The following CLIC4 variants were observed in gnomAD, a reference collection of about 807,000 sequenced individuals.
The protein encoded by CLIC4 is CLIC family member 4.
CLIC4 carries 13 observed loss-of-function variants against 24.6 expected under a neutral mutation model. The observed-to-expected ratio is 0.53, with a 90% CI of 0.34 to 0.84. The LOEUF (loss-of-function observed/expected upper bound fraction) is 0.84. CLIC4 is among the 40% of genes least tolerant of loss of function. The pLI is 0.01. For synonymous variants in CLIC4, 104 were observed against 111.3 expected, an observed-to-expected ratio of 0.93 and a Z score of 0.41; for missense variants, 227 against 301.7, an observed-to-expected ratio of 0.75 and a Z score of 1.83.
chr1:24,751,680 A>C (rs1352917030), intron 1 of CLIC4, among the ~76,000 whole-genome samples: 1 of 152,080 alleles, frequency 6.6e-6, no homozygotes, highest in African/African-American at 2.4e-5. Context: ...CTTGGCCAAC[A>C]TGGCGAAACC....
At chr1:24,750,909 TAG>T (rs1453261272) in intron 1 of CLIC4, among the ~76,000 whole-genome samples, 1 of 152,022 alleles carries the variant, frequency 6.6e-6, no homozygotes, top group South Asian at 2.1e-4. Flanking sequence ...CCCTACTAGA[TAG>T]ACAGTAAATT....
chr1:24,779,089 TA>T (rs890561240), intron 1 of CLIC4, among the ~76,000 whole-genome samples: 7 of 152,078 alleles, frequency 4.6e-5, no homozygotes, highest in South Asian at 4.1e-4. Flanking sequence ...GTATAAACAT[TA>T]AAAAAATAAT....
chr1:24,810,793 T>C (rs1484787428), intron 2 of CLIC4, among the ~76,000 whole-genome samples: 2 of 151,472 alleles, frequency 1.3e-5, no homozygotes, highest in Non-Finnish European at 2.9e-5. Flanking sequence ...ATTTTAAAAA[T>C]GTTTATTTAT....
intron 1 of CLIC4, among the ~76,000 whole-genome samples, chr1:24,766,671 T>C (rs1359635860): frequency 6.6e-6 from 1 of 151,210 alleles, no homozygotes; most frequent in Non-Finnish European, 1.5e-5. Context: ...AACTGGCTAA[T>C]TTTTTTGTAT....
intron 3 of CLIC4, among the ~76,000 whole-genome samples, chr1:24,818,422 G>T (rs1391970125): frequency 1.3e-5 from 2 of 152,066 alleles, no homozygotes; most frequent in Admixed American, 6.5e-5. Flanking sequence ...AAGTAGCTGG[G>T]ATTACAGGCA....
rs531658716 is a variant in CLIC4 at position 24,751,359 on chromosome 1, G to A, written c.72+5734G>A. Among the ~76,000 whole-genome samples, 7 of 151,990 alleles carry A rather than the reference G, an allele frequency of 4.6e-5. No individual in the cohort carries two copies. The East Asian group carries it at 9.7e-4, about 21-fold the overall frequency. On this transcript the variant is annotated intron_variant, in intron 1 of 5. Coordinates refer to ENST00000374379, the MANE Select transcript of CLIC4 (RefSeq NM_013943.3). ...CGAGTAGCTGGGGTTACAGGCACCC[G>A]CCACCATGGCCAGCTAATTTTTTGT...
intron 1 of CLIC4, among the ~76,000 whole-genome samples, chr1:24,787,455 C>T (rs1357557719): frequency 6.6e-6 from 1 of 152,046 alleles, no homozygotes; most frequent in African/African-American, 2.4e-5. Flanking sequence ...AATTCATATA[C>T]AGTATAATTC....
chr1:24,790,201 G>A (rs1366202726), intron 1 of CLIC4, among the ~76,000 whole-genome samples: 2 of 152,122 alleles, frequency 1.3e-5, no homozygotes, highest in African/African-American at 4.8e-5. Context: ...CCTCCCGAGT[G>A]GCTGGGATTA....
chr1:24,767,045 AAAAG>A (rs1256210031), intron 1 of CLIC4, among the ~76,000 whole-genome samples: 2 of 148,926 alleles, frequency 1.3e-5, no homozygotes, highest in South Asian at 2.1e-4. Flanking sequence ...AAAAAAAAAA[AAAAG>A]AAAAAGAAAA....
intron 1 of CLIC4, among the ~76,000 whole-genome samples, chr1:24,785,854 C>CAAAAAAACAAAAAAA (rs1639259866): frequency 1.7e-5 from 1 of 58,852 alleles, no homozygotes; most frequent in Non-Finnish European, 2.9e-5. Flanking sequence ...GACTACAACT[C>CAAAAAAACAAAAAAA]AAAAAAAAAA....
Position 24,842,533 on chromosome 1 carries a change from A to T in CLIC4, c.*1596A>T, listed in dbSNP as rs1245658179. 6.6e-6 allele frequency: 1 copy of T among 152,172 alleles called. No homozygotes were observed. Among genetic ancestry groups the T allele is most frequent in the Non-Finnish European group, 1.5e-5 (1 of 68,008 alleles). The allele number at this position is 152,172 out of a possible 1,614,324, so 9.4% of individuals were successfully genotyped here. ...ACATTTAGTAAGCACTGGCTTTATGAAAGCGGCTTTTTATAAGTATACTGC... is the reference window on the plus strand; with the variant it reads ...ACATTTAGTAAGCACTGGCTTTATGTAAGCGGCTTTTTATAAGTATACTGC... On this transcript the variant is annotated 3_prime_UTR_variant, in exon 6 of 6. Transcript: ENST00000374379.
At chr1:24,787,398 T>C (rs2124119924) in intron 1 of CLIC4, among the ~76,000 whole-genome samples, 1 of 152,198 alleles carries the variant, frequency 6.6e-6, no homozygotes, top group East Asian at 1.9e-4. Flanking sequence ...TATATATTTA[T>C]ATTTATAATC....
chr1:24,780,403 C>T (rs1392103569), intron 1 of CLIC4, among the ~76,000 whole-genome samples: 1 of 152,220 alleles, frequency 6.6e-6, no homozygotes, highest in Middle Eastern at 3.2e-3. Context: ...AAATTGTTCC[C>T]TCTTTGCATA....
chr1:24,791,180 A>G (rs192356199), intron 1 of CLIC4, among the ~76,000 whole-genome samples: 2 of 152,150 alleles, frequency 1.3e-5, no homozygotes, highest in Non-Finnish European at 2.9e-5. Flanking sequence ...TTAAAGGCAT[A>G]CTTTTCTCAG....
intron 2 of CLIC4, among the ~76,000 whole-genome samples, chr1:24,808,176 C>G (rs1336385478): frequency 3.3e-5 from 5 of 152,018 alleles, no homozygotes; most frequent in African/African-American, 1.2e-4. Flanking sequence ...GAACTCCTGA[C>G]CTCAGCTGAT....
At chr1:24,770,321 A>T (rs1310933426) in intron 1 of CLIC4, among the ~76,000 whole-genome samples, 1 of 151,646 alleles carries the variant, frequency 6.6e-6, no homozygotes, top group East Asian at 1.9e-4. Flanking sequence ...AAAAAAAAAA[A>T]GGCAAGGAAG....
chr1:24,803,998 G>GA (rs1639518798), intron 2 of CLIC4, among the ~76,000 whole-genome samples: 1 of 152,056 alleles, frequency 6.6e-6, no homozygotes, highest in Admixed American at 6.6e-5. Flanking sequence ...TAGAAACTCA[G>GA]AAAAAAATCT....
At chr1:24,771,133 A>G (rs552040864) in intron 1 of CLIC4, among the ~76,000 whole-genome samples, 3 of 152,192 alleles carry the variant, frequency 2.0e-5, no homozygotes, top group African/African-American at 7.2e-5. Context: ...GAGAAGAACT[A>G]TATACACACA....
intron 4 of CLIC4, among the ~76,000 whole-genome samples, chr1:24,836,006 A>G (rs1639882316): frequency 6.6e-6 from 1 of 152,226 alleles, no homozygotes; most frequent in East Asian, 1.9e-4. Context: ...AAATACATAC[A>G]TGAAATGTGG....
Sources: allele counts gnomAD v4.1 joint callset (sites outside exome capture counted in the v4.1 genomes callset), GRCh38; gene constraint gnomAD v4.1.1; transcripts MANE v1.5; gene names NCBI Gene and HGNC (gene_info 2026-07-23, HGNC 2026-07-21).